ATG2A: variants seen among roughly 807,000 people sequenced by gnomAD.
The protein encoded by ATG2A is autophagy related 2A, also known as autophagy-related protein 2 homolog A.
In ATG2A, 103 loss-of-function variants were observed where a neutral mutation model predicts 214.2. The ratio of observed to expected loss-of-function variants is 0.48; its 90% CI spans 0.41 to 0.57. The LOEUF is 0.57. Among genes scored for constraint, ATG2A ranks in the 20% least tolerant of loss-of-function variants. ATG2A has a pLI of 0.00. For synonymous variants in ATG2A, 1,160 were observed against 1,142.1 expected, an observed-to-expected ratio of 1.02 and a Z score of -0.32; for missense variants, 2,312 against 2,613.2, an observed-to-expected ratio of 0.88 and a Z score of 2.51.
chr11:64,912,306 C>T, intron 7 of ATG2A, 21 bp downstream of exon 7: 1 of 1,607,970 alleles, frequency 6.2e-7, no homozygotes, highest in Non-Finnish European at 8.5e-7. Context: ...ACCCCACCCC[C>T]ATGCCACCCA....
At chr11:64,906,259 C>T (rs554531170) in intron 21 of ATG2A, 66 bp from the exon 22 acceptor site, 34 of 1,604,690 alleles carry the variant, frequency 2.1e-5, no homozygotes, top group East Asian at 1.8e-4. Flanking sequence ...GGCCTCACCG[C>T]GCACTGGGGT....
Position 64,906,649 on chromosome 11 carries a change from C to T in ATG2A, c.2983+16G>A. On this transcript the variant is annotated intron_variant, in intron 20 of 40. Coordinates refer to ENST00000377264, the MANE Select transcript of ATG2A (RefSeq NM_015104.3). Reference sequence around the variant, plus strand: ...AACCCTGGACCCCAGTGGTGACCTGCCCCCAGGCCTCACACCTCGGTGGTA... The same window carrying T: ...AACCCTGGACCCCAGTGGTGACCTGTCCCCAGGCCTCACACCTCGGTGGTA... The T allele has an allele frequency of 1.2e-6, 2 of 1,613,034 alleles. No individual in the cohort carries two copies. Among genetic ancestry groups the T allele is most frequent in the East Asian group, 2.2e-5 (1 of 44,874 alleles).
Position 64,907,548 on chromosome 11 carries a change from ATCTTAAAGCTG to A in ATG2A, c.2613_2623del (p.Ser872ValfsTer12). ...ACCCAGCTTGAAGGCTGACTTGCAC[ATCTTAAAGCTG>A]TCGTGCCAGAAGCCTGAGGGGCCGG... On this transcript the variant is annotated frameshift_variant, in exon 18 of 41. Coordinates refer to ENST00000377264, the MANE Select transcript of ATG2A (RefSeq NM_015104.3). LOFTEE classifies it high-confidence loss of function. 6.5e-7 allele frequency: 1 copy of A among 1,532,932 alleles called. No homozygotes were observed. The highest frequency in any genetic ancestry group is 8.8e-7 in the Non-Finnish European group (1 of 1,131,812). 95.0% of individuals were successfully genotyped at this position (1,532,932 alleles called of 1,614,324 possible).
chr11:64,906,140 G>A lies in ATG2A; in HGVS notation c.3237C>T (p.Ala1079=), dbSNP rs747877076. ...GGGAATGCCAGCTCTGCTCGGGCAG[G>A]GCCATGTAGTGGCGCAAGGTGGCTT... is the stretch of plus-strand genomic sequence containing the variant. ...LHKATLRHYM[A]LPEQSWHSQL... is the part of the protein sequence containing the mutation. The change falls in exon 22 of 41, where the codon GCC becomes GCT. Residue 1079 remains alanine (A), a synonymous_variant. Coordinates refer to ENST00000377264, the MANE Select transcript of ATG2A (RefSeq NM_015104.3). 5.5e-5 allele frequency: 88 copies of A among 1,596,116 alleles called. No individual in the cohort carries two copies. Among genetic ancestry groups the A allele is most frequent in the Non-Finnish European group, 7.2e-5 (84 of 1,171,666 alleles).
rs1944540375 is a variant in ATG2A, at chr11:64,906,192, TC to T, written c.3184del (p.Glu1062SerfsTer4). ...IHLDPHKNVKEFLVTLRLHKA... is the reference protein window; with the variant it reads ...IHLDPHKNVKXFLVTLRLHKA... ...GTGCAACCGCAGTGTCACCAGGAAC[TC>T]CTGAGGGTGGGGGCGCAGTCAGGGC... On this transcript the variant is annotated frameshift_variant and splice_region_variant, in exon 22 of 41. Transcript: ENST00000377264. LOFTEE classifies it high-confidence loss of function. 2 of 1,610,832 alleles carry T rather than the reference TC, an allele frequency of 1.2e-6. No homozygotes were observed. Among genetic ancestry groups the T allele is most frequent in the African/African-American group, 2.7e-5 (2 of 74,898 alleles).
rs563116421 is a variant in ATG2A, at chr11:64,915,914, G to A, written c.171+1051C>T. The stretch of plus-strand genomic sequence containing the variant: ...CAGAATTCACAGACAGCAGGCCACT[G>A]GGGGGTGCCCCCAGTTCAGGGCCCA... On this transcript the variant is annotated intron_variant, in intron 1 of 40. Transcript: ENST00000377264. Among the ~76,000 whole-genome samples, 3 of 152,238 alleles carry A rather than the reference G, an allele frequency of 2.0e-5. No homozygotes were observed. The South Asian group carries it at 6.2e-4, about 32-fold the overall frequency.
intron 19 of ATG2A, 143 bp from the exon 20 acceptor site, chr11:64,906,958 C>T: frequency 1.8e-6 from 2 of 1,104,152 alleles, no homozygotes; most frequent in Non-Finnish European, 2.5e-6. Context: ...CCCTGGATGG[C>T]ACTTGCCTCT....
rs752467039 is a variant in ATG2A, at chr11:64,897,748, G to A, written c.4995-5C>T. ...TCAGACGTGAAGCGGAACTCTCTGG[G>A]TAGGGGAGCAGGAAGAGGGGGTTCT... On this transcript the variant is annotated splice_polypyrimidine_tract_variant and splice_region_variant and intron_variant, in intron 35 of 40. Coordinates refer to ENST00000377264, the MANE Select transcript of ATG2A (RefSeq NM_015104.3). 1.2e-5 allele frequency: 20 copies of A among 1,614,236 alleles called. No individual in the cohort carries two copies. The highest frequency in any genetic ancestry group is 9.3e-6 in the Non-Finnish European group (11 of 1,180,042).
At chr11:64,914,015 C>G (rs1478714652) in intron 3 of ATG2A, 66 bp downstream of exon 3, 31 of 1,554,944 alleles carry the variant, frequency 2.0e-5, no homozygotes, top group Non-Finnish European at 2.4e-5. Context: ...GTGCCGTTGT[C>G]TGGAGCCCCT....
intron 27 of ATG2A, 55 bp from the exon 28 acceptor site, chr11:64,902,441 C>G: frequency 6.5e-7 from 1 of 1,528,794 alleles, no homozygotes; most frequent in Non-Finnish European, 8.8e-7. Flanking sequence ...TCCCCCAACC[C>G]CAGGCCCGAG....
chr11:64,896,467 T>C lies in ATG2A; in HGVS notation c.5422A>G (p.Ile1808Val), dbSNP rs768115629. The C allele has an allele frequency of 3.1e-6, 5 of 1,611,566 alleles. No homozygotes were observed. The South Asian group carries it at 4.4e-5, about 14-fold the overall frequency. ...LELSNRLVQAIQATAETVYDI... is the reference protein window; with the variant it reads ...LELSNRLVQAVQATAETVYDI... Reference sequence around the variant, plus strand: ...GATACAGGGCACCCACTCACCTGGATAGCCTGTACCAACCGGTTGCTGAGT... The same window carrying C: ...GATACAGGGCACCCACTCACCTGGACAGCCTGTACCAACCGGTTGCTGAGT... The change falls in exon 39 of 41, where the codon ATC (isoleucine) becomes GTC (valine). Residue 1808 changes from isoleucine to valine, a missense_variant. Coordinates refer to ENST00000377264, the MANE Select transcript of ATG2A (RefSeq NM_015104.3).
Position 64,898,510 on chromosome 11 carries a change from G to T in ATG2A, c.4671+126C>A. ...AGCCCCTAGCTCTGCCCTTCTCCCA[G>T]GCTCACAAACAACCTGGGTGTTTGT... is the stretch of plus-strand genomic sequence containing the variant. On this transcript the variant is annotated intron_variant, in intron 32 of 40. Transcript: ENST00000377264. This position sits in a 1 kb window ranked among gnomAD's most constrained non-coding sequence, Gnocchi z 4.5. 1 of 1,363,950 alleles carries T rather than the reference G, an allele frequency of 7.3e-7. No homozygotes were observed. The highest frequency in any genetic ancestry group is 1.0e-6 in the Non-Finnish European group (1 of 986,116). 84.5% of individuals were successfully genotyped at this position (1,363,950 alleles called of 1,614,324 possible). A position where few individuals can be genotyped will look rare whatever the true frequency, so the allele number is the denominator to read the frequency against.
intron 1 of ATG2A, 67 bp downstream of exon 1, chr11:64,916,898 G>T (rs976648912): frequency 2.7e-5 from 43 of 1,585,370 alleles, no homozygotes; most frequent in Non-Finnish European, 3.7e-5. Flanking sequence ...CGATCCTGCC[G>T]CAGGGAGCCT....
At chr11:64,914,287 C>A (rs906620911) in intron 2 of ATG2A, 51 bp downstream of exon 2, 1 of 1,556,242 alleles carries the variant, frequency 6.4e-7, no homozygotes, top group Non-Finnish European at 8.7e-7. Flanking sequence ...GTCCTGGACG[C>A]CCCAGCCCAC....
rs370100424 is a variant in ATG2A at position 64,898,590 on chromosome 11, C to A, written c.4671+46G>T. ...TGCATGCGTGAAGATGTATCCCCAA[C>A]GGTCTGGTGCCCTGCCCCAGGGTGG... On this transcript the variant is annotated intron_variant, in intron 32 of 40. Transcript: ENST00000377264. The surrounding 1 kb of genome is among the most constrained non-coding windows in gnomAD (Gnocchi z 4.5). 5 of 1,592,994 alleles carry A rather than the reference C, an allele frequency of 3.1e-6. No individual in the cohort carries two copies. In the African/African-American group the frequency reaches 6.7e-5, roughly 21 times the overall value.
rs551648348 is a variant in ATG2A at position 64,898,050 on chromosome 11, G to A, written c.4858+36C>T. Reference sequence around the variant, plus strand: ...ACCTGTGCTGTCCTGGGAGGCAGAAGGCCCAGACGCTCCCCTCCCTGGCCC... The same window carrying A: ...ACCTGTGCTGTCCTGGGAGGCAGAAAGCCCAGACGCTCCCCTCCCTGGCCC... On this transcript the variant is annotated intron_variant, in intron 34 of 40. Transcript: ENST00000377264. This position sits in a 1 kb window ranked among gnomAD's most constrained non-coding sequence, Gnocchi z 4.5. 119 of 1,611,600 alleles carry A rather than the reference G, an allele frequency of 7.4e-5. No individual in the cohort carries two copies. Among genetic ancestry groups the A allele is most frequent in the Non-Finnish European group, 9.8e-5 (116 of 1,179,216 alleles).
In ATG2A at chr11:64,897,985, G is replaced by A; in HGVS notation, c.4859-11C>T. 6.4e-7 allele frequency: 1 copy of A among 1,565,520 alleles called. No homozygotes were observed. Among genetic ancestry groups the A allele is most frequent in the Non-Finnish European group, 8.6e-7 (1 of 1,158,472 alleles). On this transcript the variant is annotated splice_polypyrimidine_tract_variant and intron_variant, in intron 34 of 40. Coordinates refer to ENST00000377264, the MANE Select transcript of ATG2A (RefSeq NM_015104.3). ...GAGTCTCGGGGCGAGCTAGGGGAGG[G>A]GAGGTCACAGACTGGGGATGGGGCC...
intron 31 of ATG2A, among the ~76,000 whole-genome samples, chr11:64,899,379 C>T (rs1035811089): frequency 6.6e-6 from 1 of 152,176 alleles, no homozygotes; most frequent in African/African-American, 2.4e-5. Flanking sequence ...TTCCTTCCCC[C>T]TCTTCCTGCA....
chr11:64,908,921 T>G (rs1017101109), intron 16 of ATG2A, 70 bp downstream of exon 16: 4 of 1,523,356 alleles, frequency 2.6e-6, no homozygotes, highest in Admixed American at 2.0e-5. Flanking sequence ...GCCACACAGG[T>G]GGCTCCTACG....
Sources: gnomAD v4.1 joint callset for allele counts (sites outside exome capture counted in the v4.1 genomes callset) on GRCh38, gnomAD v4.1.1 for gene constraint, Gnocchi (gnomAD v3.1) non-coding constraint, MANE v1.5 for transcripts, NCBI Gene and HGNC (gene_info 2026-07-23, HGNC 2026-07-21) for gene names.